Variants in SAMD7 observed in about 807,000 individuals in gnomAD.
The protein encoded by SAMD7 is sterile alpha motif domain-containing protein 7.
Under a neutral mutation model 36.7 loss-of-function variants are expected in SAMD7, and 34 were observed. That is an observed-to-expected ratio of 0.93 (90% CI 0.71 to 1.23). The LOEUF is 1.23. Among genes scored for constraint, SAMD7 ranks in the 50% most tolerant of loss-of-function variants. The pLI, the probability that SAMD7 is intolerant of heterozygous loss-of-function variation, is 0.00. For missense variants in SAMD7, 570 were observed against 546.6 expected (o/e 1.04, Z -0.43); for synonymous variants, 188 against 189.7 (o/e 0.99, Z 0.07).
At chr3:169,932,082 A>G (rs1022116849) in intron 7 of SAMD7, 10 of 524,500 alleles carry the variant, frequency 1.9e-5, no homozygotes, top group Non-Finnish European at 3.4e-5. Flanking sequence ...CAACTTAGAT[A>G]CATCAACTGC....
chr3:169,920,160 G>A (rs181351863), intron 3 of SAMD7, among the ~76,000 whole-genome samples: 8 of 152,286 alleles, frequency 5.3e-5, no homozygotes, highest in Admixed American at 5.2e-4. Flanking sequence ...GGCAACAAGA[G>A]CGAAACTCCA....
At chr3:169,932,949 G>A in intron 7 of SAMD7, 1 of 679,034 alleles carries the variant, frequency 1.5e-6, no homozygotes. Context: ...AAAAGCTTTG[G>A]GAACCCCTTG....
chr3:169,924,672 G>T (rs1014701), intron 4 of SAMD7, among the ~76,000 whole-genome samples: 49,131 of 151,938 alleles, frequency 0.32, 8,255 homozygotes, highest in African/African-American at 0.42. Flanking sequence ...CTTGATTTAA[G>T]CATTCCACAA....
Position 169,932,860 on chromosome 3 carries a change from T to A in SAMD7, c.1042-3479T>A, listed in dbSNP as rs184567121. ...ACACAGCTGTCTTTGATTACCTGATTGACAATGCTGACTGCCATTACTATA... is the reference window on the plus strand; with the variant it reads ...ACACAGCTGTCTTTGATTACCTGATAGACAATGCTGACTGCCATTACTATA... On this transcript the variant is annotated intron_variant, in intron 7 of 8. Coordinates refer to ENST00000335556, the MANE Select transcript of SAMD7 (RefSeq NM_001304366.2). 2.3e-4 allele frequency: 140 copies of A among 616,202 alleles called. 2 individuals are homozygous for A. The African/African-American group carries it at 2.4e-3, about 11-fold the overall frequency. The allele number at this position is 616,202 out of a possible 1,614,324, so 38.2% of individuals were successfully genotyped here. A position where few individuals can be genotyped will look rare whatever the true frequency, so the allele number is the denominator to read the frequency against.
intron 6 of SAMD7, among the ~76,000 whole-genome samples, chr3:169,928,099 G>T (rs367612777): frequency 3.3e-5 from 5 of 152,300 alleles, no homozygotes; most frequent in African/African-American, 1.2e-4. Flanking sequence ...CCATTCTGAT[G>T]AAAATGTAGC....
intron 7 of SAMD7, among the ~76,000 whole-genome samples, chr3:169,931,158 A>G (rs530052274): frequency 4.3e-4 from 66 of 152,360 alleles, no homozygotes; most frequent in African/African-American, 1.4e-3. Context: ...AGCCTGCAAC[A>G]TATTTTGTTC....
Position 169,936,376 on chromosome 3 carries a change from C to T in SAMD7, c.1079C>T (p.Pro360Leu). The T allele has an allele frequency of 6.2e-7, 1 of 1,613,090 alleles. No individual in the cohort carries two copies. Among genetic ancestry groups the T allele is most frequent in the Non-Finnish European group, 8.5e-7 (1 of 1,179,230 alleles). Residue 360 changes from proline (P) to leucine (L), a missense_variant, in exon 8 of 9, where the codon CCA becomes CTA. Physicochemically the swap from Pro to Leu is moderately conservative, Grantham distance 98. Coordinates refer to ENST00000335556, the MANE Select transcript of SAMD7 (RefSeq NM_001304366.2). ...CATGCAATTGATGGAGAAACTTTGC[C>T]ATTACTCACAGAAGAGCATCTTCGA... ...KDHAIDGETL[P>L]LLTEEHLRGT...
chr3:169,927,281 CTTTCTTTT>C, intron 6 of SAMD7, 100 bp downstream of exon 6: 2 of 225,354 alleles, frequency 8.9e-6, no homozygotes, highest in South Asian at 1.5e-4. Context: ...CTCTTTTTAT[CTTTCTTTT>C]TTTTTTTTTT....
rs373447565 is a variant in SAMD7, at chr3:169,928,702, T to G, written c.1041+124T>G. The G allele has an allele frequency of 5.0e-6, 5 of 1,001,054 alleles. No individual in the cohort carries two copies. The East Asian group carries it at 1.3e-4, about 25-fold the overall frequency. The allele number at this position is 1,001,054 out of a possible 1,614,324, so 62.0% of individuals were successfully genotyped here. ...GATTCCTACTAATCTCTCTTTTTTA[T>G]GCCAGTGTCTACCCTGGGACAGGTC... On this transcript the variant is annotated intron_variant, in intron 7 of 8. Coordinates refer to ENST00000335556, the MANE Select transcript of SAMD7 (RefSeq NM_001304366.2).
chr3:169,914,701 TC>T (rs1419702323), intron 1 of SAMD7, among the ~76,000 whole-genome samples: 2 of 152,180 alleles, frequency 1.3e-5, no homozygotes, highest in Non-Finnish European at 2.9e-5. Context: ...ATAAGACTTA[TC>T]CTTTCCCATT....
Position 169,938,346 on chromosome 3 carries a change from A to G in SAMD7, c.1181A>G (p.Tyr394Cys), listed in dbSNP as rs1336798232. The G allele has an allele frequency of 1.2e-6, 2 of 1,610,758 alleles. No individual in the cohort carries two copies. The highest frequency in any genetic ancestry group is 3.3e-5 in the Admixed American group (2 of 59,766). ...QVSQHVGSMF[Y>C]KKTLSFPIRQ... The stretch of plus-strand genomic sequence containing the variant: ...TCTCAGCATGTGGGAAGTATGTTCT[A>G]CAAGAAAACTCTTTCATTTCCTATA... The change falls in exon 9 of 9, where the codon TAC (tyrosine) becomes TGC (cysteine). Residue 394 changes from tyrosine to cysteine, a missense_variant. Physicochemically the swap from Tyr to Cys is radical, Grantham distance 194. Transcript: ENST00000335556.
intron 7 of SAMD7, chr3:169,932,474 T>C: frequency 1.7e-6 from 1 of 598,152 alleles, no homozygotes; most frequent in African/African-American, 1.8e-5. Flanking sequence ...TGGACAGGAT[T>C]GTGGGTGTCC....
At chr3:169,935,515 T>C (rs1227341045) in intron 7 of SAMD7, among the ~76,000 whole-genome samples, 1 of 152,118 alleles carries the variant, frequency 6.6e-6, no homozygotes, top group Non-Finnish European at 1.5e-5. Flanking sequence ...TTTTGTTTTG[T>C]TTTGTTTTGT....
At chr3:169,912,298 T>G (rs1207036441) in intron 1 of SAMD7, among the ~76,000 whole-genome samples, 2 of 152,170 alleles carry the variant, frequency 1.3e-5, no homozygotes, top group African/African-American at 2.4e-5. Flanking sequence ...GTAGAAAATT[T>G]CAGAAAAACA....
intron 7 of SAMD7, chr3:169,932,014 G>A (rs972561433): frequency 1.1e-5 from 8 of 711,816 alleles, no homozygotes; most frequent in South Asian, 8.1e-5. Flanking sequence ...CTAAAGCAGC[G>A]AGTCATGCTG....
intron 7 of SAMD7, among the ~76,000 whole-genome samples, chr3:169,929,076 C>T (rs1713388354): frequency 6.6e-6 from 1 of 152,018 alleles, no homozygotes; most frequent in Non-Finnish European, 1.5e-5. Context: ...TATGCTGGGA[C>T]AATATATAAA....
At chr3:169,932,740 C>A in intron 7 of SAMD7, 1 of 530,116 alleles carries the variant, frequency 1.9e-6, no homozygotes, top group South Asian at 1.6e-5. Context: ...ACTGAAAAGG[C>A]AAATTGGCCA....
At chr3:169,931,695 G>T (rs1286941280) in intron 7 of SAMD7, among the ~76,000 whole-genome samples, 3 of 152,208 alleles carry the variant, frequency 2.0e-5, no homozygotes, top group African/African-American at 7.2e-5. Context: ...AATGCAGTTT[G>T]TTGGGGGACG....
chr3:169,937,607 C>T (rs572561217), intron 8 of SAMD7, among the ~76,000 whole-genome samples: 2 of 152,180 alleles, frequency 1.3e-5, no homozygotes, highest in Non-Finnish European at 2.9e-5. Flanking sequence ...TTTATGGCTG[C>T]ATAGTATTCC....
Sources: allele counts gnomAD v4.1 joint callset (sites outside exome capture counted in the v4.1 genomes callset), GRCh38; gene constraint gnomAD v4.1.1; transcripts MANE v1.5; gene names NCBI Gene and HGNC (gene_info 2026-07-23, HGNC 2026-07-21).